SGCZ: variants seen among roughly 807,000 people sequenced by gnomAD.
SGCZ encodes zeta-sarcoglycan.
SGCZ carries 40 observed loss-of-function variants against 41.3 expected under a neutral mutation model. That is an observed-to-expected ratio of 0.97 (90% CI 0.75 to 1.26). The LOEUF is 1.26. Ranked by LOEUF, SGCZ falls within the 50% of genes most tolerant of loss-of-function variation. The pLI, the probability that SGCZ is intolerant of heterozygous loss-of-function variation, is 0.00. For synonymous variants in SGCZ, 206 were observed against 137.5 expected (o/e 1.50, Z -3.49); for missense variants, 552 against 369.8 (o/e 1.49, Z -4.04).
intron 3 of SGCZ, among the ~76,000 whole-genome samples, chr8:14,260,657 T>C (rs535461173): frequency 1.3e-5 from 2 of 152,086 alleles, no homozygotes; most frequent in South Asian, 4.2e-4. Context: ...CGTATGTTTA[T>C]TGCGGCATTA....
intron 3 of SGCZ, among the ~76,000 whole-genome samples, chr8:14,312,611 C>T (rs562424899): frequency 1.3e-5 from 2 of 151,802 alleles, no homozygotes; most frequent in Non-Finnish European, 2.9e-5. Context: ...GCCTAGACAA[C>T]ATAGCTAGAC....
At position 14,556,905 on chromosome 8, in the gene SGCZ, T is replaced by A. The variant is rs549171544; in HGVS notation, c.40-1979A>T. Among the ~76,000 whole-genome samples the A allele has an allele frequency of 1.5e-4, 23 of 152,152 alleles. No homozygotes were observed. In the East Asian group the frequency reaches 3.5e-3, roughly 23 times the overall value. On this transcript the variant is annotated intron_variant, in intron 1 of 7. Coordinates refer to ENST00000382080, the MANE Select transcript of SGCZ (RefSeq NM_139167.4). ...TGCTGCTATAAACATGAAAGTGAAG[T>A]ATTTTTTTTGTATAATGACTTCTTT...
At chr8:14,728,422 T>C (rs926454563) in intron 1 of SGCZ, among the ~76,000 whole-genome samples, 3 of 144,336 alleles carry the variant, frequency 2.1e-5, no homozygotes, top group African/African-American at 7.6e-5. Flanking sequence ...ATTAATGCAG[T>C]AAAAAGCAAA....
chr8:15,215,363 A>C (rs1245458354), intron 1 of SGCZ, among the ~76,000 whole-genome samples: 1 of 152,206 alleles, frequency 6.6e-6, no homozygotes, highest in Non-Finnish European at 1.5e-5. Flanking sequence ...TTTCAGAAAA[A>C]TTCCATTATC....
At chr8:14,524,913 A>G (rs1319305556) in intron 2 of SGCZ, among the ~76,000 whole-genome samples, 6 of 152,068 alleles carry the variant, frequency 3.9e-5, no homozygotes, top group Non-Finnish European at 7.4e-5. Context: ...TTCTGCTCCA[A>G]ATTCTGGGTC....
chr8:15,072,604 A>C (rs2131030433), intron 1 of SGCZ, among the ~76,000 whole-genome samples: 1 of 152,270 alleles, frequency 6.6e-6, no homozygotes. Context: ...TAGAACATTA[A>C]ATTTGGGACA....
At chr8:14,404,849 T>C (rs566608412) in intron 2 of SGCZ, among the ~76,000 whole-genome samples, 4 of 152,296 alleles carry the variant, frequency 2.6e-5, no homozygotes, top group South Asian at 4.1e-4. Flanking sequence ...TTCTGGCCAA[T>C]AGGAGGCACT....
intron 1 of SGCZ, among the ~76,000 whole-genome samples, chr8:14,680,915 T>C (rs1389225218): frequency 8.9e-6 from 1 of 112,718 alleles, no homozygotes; most frequent in East Asian, 2.4e-4. Context: ...AACTTGAAAA[T>C]ATGGCAACTT....
At chr8:14,773,055 G>C (rs1208513845) in intron 1 of SGCZ, among the ~76,000 whole-genome samples, 2 of 152,142 alleles carry the variant, frequency 1.3e-5, no homozygotes, top group African/African-American at 4.8e-5. Flanking sequence ...CAGTGTAAAA[G>C]TGTTCCTATT....
chr8:15,109,380 G>A (rs529644478), intron 1 of SGCZ, among the ~76,000 whole-genome samples: 1 of 152,116 alleles, frequency 6.6e-6, no homozygotes, highest in Non-Finnish European at 1.5e-5. Context: ...GAGAAGGAAT[G>A]TTGGCCAATT....
At chr8:14,382,668 G>A (rs1804412220) in intron 2 of SGCZ, among the ~76,000 whole-genome samples, 1 of 152,176 alleles carries the variant, frequency 6.6e-6, no homozygotes, top group South Asian at 2.1e-4. Flanking sequence ...AGGTGATAAG[G>A]TAAGTGCTCA....
At chr8:14,226,896 A>G (rs2117136885) in intron 4 of SGCZ, among the ~76,000 whole-genome samples, 1 of 152,194 alleles carries the variant, frequency 6.6e-6, no homozygotes, top group South Asian at 2.1e-4. Flanking sequence ...TAGTCACTAT[A>G]CTTATGACTT....
At chr8:14,936,371 G>T (rs780973891) in intron 1 of SGCZ, among the ~76,000 whole-genome samples, 11 of 151,802 alleles carry the variant, frequency 7.2e-5, no homozygotes, top group Non-Finnish European at 1.5e-4. Context: ...AGAATACTTT[G>T]CTCACGGTTA....
At chr8:14,344,047 C>T (rs6989762) in intron 2 of SGCZ, among the ~76,000 whole-genome samples, 64,949 of 151,788 alleles carry the variant, frequency 0.43, 14,619 homozygotes, top group African/African-American at 0.59. Flanking sequence ...ATGGAAATTC[C>T]AGAAATGAAC....
chr8:14,314,176 T>C (rs2117007038), intron 3 of SGCZ, among the ~76,000 whole-genome samples: 1 of 152,270 alleles, frequency 6.6e-6, no homozygotes. Flanking sequence ...TGTTTGTTTA[T>C]TTTTAAGTCC....
intron 1 of SGCZ, among the ~76,000 whole-genome samples, chr8:14,613,054 G>C (rs374762389): frequency 6.6e-6 from 1 of 152,162 alleles, no homozygotes; most frequent in Non-Finnish European, 1.5e-5. Context: ...CATAGGGATA[G>C]GAGAGCACAA....
chr8:14,757,249 A>T (rs1202398552), intron 1 of SGCZ, among the ~76,000 whole-genome samples: 1 of 152,062 alleles, frequency 6.6e-6, no homozygotes, highest in African/African-American at 2.4e-5. Context: ...GGGTTTCACT[A>T]TGTTGGCCAG....
chr8:14,746,045 G>T (rs1444766848), intron 1 of SGCZ, among the ~76,000 whole-genome samples: 1 of 151,746 alleles, frequency 6.6e-6, no homozygotes, highest in South Asian at 2.1e-4. Context: ...TACAGTAAAA[G>T]ATTATATATT....
intron 1 of SGCZ, among the ~76,000 whole-genome samples, chr8:14,934,616 G>A (rs1800025140): frequency 6.6e-6 from 1 of 151,704 alleles, no homozygotes; most frequent in African/African-American, 2.4e-5. Context: ...AGGATATATT[G>A]AGAAACTTCC....
Sources: gnomAD v4.1 joint callset for allele counts (sites outside exome capture counted in the v4.1 genomes callset) on GRCh38, gnomAD v4.1.1 for gene constraint, MANE v1.5 for transcripts, NCBI Gene and HGNC (gene_info 2026-07-23, HGNC 2026-07-21) for gene names.